RBFOX3: variants seen among roughly 807,000 people sequenced by gnomAD.
RBFOX3 encodes RNA binding protein fox-1 homolog 3.
A neutral mutation model predicts 48.7 loss-of-function variants in RBFOX3; 17 were observed. That is an observed-to-expected ratio of 0.35 (90% CI 0.24 to 0.52). RBFOX3 has a LOEUF of 0.52. Among genes scored for constraint, RBFOX3 ranks in the 20% least tolerant of loss-of-function variants. The pLI, the probability that RBFOX3 is intolerant of heterozygous loss-of-function variation, is 0.94. For synonymous variants in RBFOX3, 212 were observed against 209.5 expected, an observed-to-expected ratio of 1.01 and a Z score of -0.10; for missense variants, 382 against 497.5, an observed-to-expected ratio of 0.77 and a Z score of 2.21.
In RBFOX3 at chr17:79,374,591, C is replaced by A. The variant is rs772150226; in HGVS notation, c.-174-66767G>T. 3.3e-5 allele frequency among the ~76,000 whole-genome samples: 5 copies of A among 152,228 alleles called. No individual in the cohort carries two copies. In the South Asian group the frequency reaches 6.2e-4, roughly 19 times the overall value. On this transcript the variant is annotated intron_variant, in intron 2 of 14. Coordinates refer to ENST00000693108, the MANE Select transcript of RBFOX3 (RefSeq NM_001350451.2). ...GATGAGAAAATGCGAGAGCTGGCTG[C>A]GCCCAGGTACACGCAGCGAGGTTGG...
At chr17:79,540,602 G>A (rs548993261) in intron 1 of RBFOX3, among the ~76,000 whole-genome samples, 13 of 152,268 alleles carry the variant, frequency 8.5e-5, no homozygotes, top group African/African-American at 1.7e-4. Context: ...AGAAGGGCCC[G>A]GGCCCTGCTT....
At chr17:79,585,751 T>C (rs1281706453) in intron 1 of RBFOX3, among the ~76,000 whole-genome samples, 4 of 151,932 alleles carry the variant, frequency 2.6e-5, no homozygotes, top group South Asian at 4.2e-4. Context: ...GTAGGGAGGA[T>C]GAGCCCAGGA....
At chr17:79,664,349 AT>A in the RBFOX3 span, among the ~76,000 whole-genome samples, 27,113 of 138,814 alleles carry the variant, frequency 0.2, 2,655 homozygotes, top group East Asian at 0.36. Flanking sequence ...TAATTTTTGT[AT>A]TTTTTTTTTT....
At chr17:79,646,988 G>T in the RBFOX3 span, among the ~76,000 whole-genome samples, 27 of 152,244 alleles carry the variant, frequency 1.8e-4, no homozygotes, top group East Asian at 4.4e-3. Flanking sequence ...CAGCAGTGGA[G>T]CCAGGGGACA....
intron 1 of RBFOX3, among the ~76,000 whole-genome samples, chr17:79,545,212 G>A (rs553651618): frequency 6.6e-6 from 1 of 152,302 alleles, no homozygotes; most frequent in Non-Finnish European, 1.5e-5. Flanking sequence ...GCTAAGAGAA[G>A]GTATCAGAAT....
intron 3 of RBFOX3, among the ~76,000 whole-genome samples, chr17:79,278,599 C>A (rs559661789): frequency 6.6e-6 from 1 of 152,356 alleles, no homozygotes; most frequent in South Asian, 2.1e-4. Context: ...TGGTGCCGGC[C>A]GGGCCTGTGC....
intron 4 of RBFOX3, among the ~76,000 whole-genome samples, chr17:79,159,033 A>G (rs1459440050): frequency 2.0e-5 from 3 of 152,210 alleles, no homozygotes; most frequent in Non-Finnish European, 4.4e-5. Flanking sequence ...TGTCCAGCTC[A>G]CAGACAGAGA....
At chr17:79,620,138 C>T in the RBFOX3 span, among the ~76,000 whole-genome samples, 84 of 144,926 alleles carry the variant, frequency 5.8e-4, no homozygotes, top group African/African-American at 2.1e-3. Context: ...CACATGCACA[C>T]GCGCACACAC....
Position 79,111,433 on chromosome 17 carries a change from C to T in RBFOX3, c.222+4061G>A, listed in dbSNP as rs1329111879. On this transcript the variant is annotated intron_variant, in intron 5 of 14. Transcript: ENST00000693108. This position sits in a 1 kb window ranked among gnomAD's most constrained non-coding sequence, Gnocchi z 4.2. ...CTTTGTCTGGCATTTTTTTTATCTG[C>T]GTGCTAATCTCTCTCTCTTTTTCTC... is the stretch of plus-strand genomic sequence containing the variant. Among the ~76,000 whole-genome samples, 2 of 152,266 alleles carry T rather than the reference C, an allele frequency of 1.3e-5. No homozygotes were observed. The highest frequency in any genetic ancestry group is 1.9e-4 in the East Asian group (1 of 5,162).
chr17:79,101,083 T>C (rs769722022), intron 9 of RBFOX3, among the ~76,000 whole-genome samples: 3 of 152,110 alleles, frequency 2.0e-5, no homozygotes, highest in Non-Finnish European at 4.4e-5. Context: ...CTCTGGGGGA[T>C]GGTGTCACTA....
In RBFOX3 at chr17:79,263,426, G is replaced by A. The variant is rs116897571; in HGVS notation, c.-73-27621C>T. On this transcript the variant is annotated intron_variant, in intron 3 of 14. Transcript: ENST00000693108. Reference sequence around the variant, plus strand: ...GCTGGAAGGCACGTGGAGTTTCTGCGGACACAGAGGCCTTCTGCCCCTGGT... The same window carrying A: ...GCTGGAAGGCACGTGGAGTTTCTGCAGACACAGAGGCCTTCTGCCCCTGGT... Among the ~76,000 whole-genome samples, 52 of 152,328 alleles carry A rather than the reference G, an allele frequency of 3.4e-4. No individual in the cohort carries two copies. In the East Asian group the frequency reaches 7.3e-3, roughly 21 times the overall value.
At chr17:79,381,671 G>C (rs148598969) in intron 2 of RBFOX3, among the ~76,000 whole-genome samples, 1 of 152,364 alleles carries the variant, frequency 6.6e-6, no homozygotes, top group African/African-American at 2.4e-5. Context: ...TGTTATTGAG[G>C]TAGGGGCAGA....
rs542182125 is a variant in RBFOX3, at chr17:79,248,721, GT to G, written c.-73-12917del. Among the ~76,000 whole-genome samples, 293 of 152,324 alleles carry G rather than the reference GT, an allele frequency of 1.9e-3. 2 individuals are homozygous for G. Among genetic ancestry groups the G allele is most frequent in the African/African-American group, 6.7e-3 (280 of 41,578 alleles). On this transcript the variant is annotated intron_variant, in intron 3 of 14. Coordinates refer to ENST00000693108, the MANE Select transcript of RBFOX3 (RefSeq NM_001350451.2). The stretch of plus-strand genomic sequence containing the variant: ...CCCACAACCCTATCGGGGGGTGCTT[GT>G]ATCCCTAGGCACAGGTAAGGAGCTG...
intron 1 of RBFOX3, among the ~76,000 whole-genome samples, chr17:79,588,841 C>A (rs2093334134): frequency 6.6e-6 from 1 of 151,182 alleles, no homozygotes; most frequent in South Asian, 2.1e-4. Context: ...AGCGAGATCC[C>A]ATCCTGAGCT....
At chr17:79,186,797 G>C (rs553419290) in intron 4 of RBFOX3, among the ~76,000 whole-genome samples, 1 of 152,372 alleles carries the variant, frequency 6.6e-6, no homozygotes, top group East Asian at 1.9e-4. Context: ...ATAAATATCA[G>C]GCAAGGGAGG....
chr17:79,371,279 T>C (rs1460330994), intron 2 of RBFOX3, among the ~76,000 whole-genome samples: 1 of 152,278 alleles, frequency 6.6e-6, no homozygotes, highest in Non-Finnish European at 1.5e-5. Flanking sequence ...TACGTTCCAC[T>C]GTGAAATGGG....
At position 79,379,589 on chromosome 17, in the gene RBFOX3, C is replaced by A. The variant is rs574705972; in HGVS notation, c.-174-71765G>T. Among the ~76,000 whole-genome samples the A allele has an allele frequency of 8.5e-5, 13 of 152,248 alleles. No homozygotes were observed. The South Asian group carries it at 2.5e-3, about 29-fold the overall frequency. ...CACCCTGGCCTTGAAAGAATGAACA[C>A]GGGTGAGCAGGGACCTCGGAGACTC... On this transcript the variant is annotated intron_variant, in intron 2 of 14. Coordinates refer to ENST00000693108, the MANE Select transcript of RBFOX3 (RefSeq NM_001350451.2).
the RBFOX3 span, among the ~76,000 whole-genome samples, chr17:79,637,836 A>AGGGGAG: frequency 6.9e-6 from 1 of 145,222 alleles, no homozygotes; most frequent in African/African-American, 2.6e-5. Context: ...GGGAAGGGGA[A>AGGGGAG]AAGGGAAAGG....
chr17:79,406,638 G>A (rs546842621), intron 2 of RBFOX3, among the ~76,000 whole-genome samples: 15 of 152,268 alleles, frequency 9.9e-5, no homozygotes, highest in Non-Finnish European at 1.5e-4. Context: ...TAAATGTGAC[G>A]CGGCGCTGAG....
Sources: gnomAD v4.1 joint callset for allele counts (sites outside exome capture counted in the v4.1 genomes callset) on GRCh38, gnomAD v4.1.1 for gene constraint, Gnocchi (gnomAD v3.1) non-coding constraint, MANE v1.5 for transcripts, NCBI Gene and HGNC (gene_info 2026-07-23, HGNC 2026-07-21) for gene names.